Variants in PTPRA observed in about 807,000 individuals in gnomAD.
The protein encoded by PTPRA is protein tyrosine phosphatase receptor type A, also known as receptor-type tyrosine-protein phosphatase alpha.
PTPRA carries 25 observed loss-of-function variants against 104.8 expected under a neutral mutation model. The ratio of observed to expected loss-of-function variants is 0.24; its 90% CI spans 0.17 to 0.33. PTPRA has a LOEUF of 0.33. Among genes scored for constraint, PTPRA ranks in the 10% least tolerant of loss-of-function variants. PTPRA has a pLI of 1.00. For missense variants in PTPRA, 765 were observed against 1,015.3 expected, an observed-to-expected ratio of 0.75 and a Z score of 3.35; for synonymous variants, 323 against 368.9, an observed-to-expected ratio of 0.88 and a Z score of 1.43.
chr20:2,969,742 A>G (rs1482360279), intron 5 of PTPRA, among the ~76,000 whole-genome samples: 1 of 145,802 alleles, frequency 6.9e-6, no homozygotes, highest in Non-Finnish European at 1.5e-5. Context: ...TGAGGCGGGC[A>G]GATCACGAGG....
At chr20:3,012,182 C>T (rs946193242) in intron 11 of PTPRA, among the ~76,000 whole-genome samples, 1 of 152,070 alleles carries the variant, frequency 6.6e-6, no homozygotes, top group African/African-American at 2.4e-5. Flanking sequence ...TTTATCTAGG[C>T]CGTGGGGTAC....
intron 1 of PTPRA, among the ~76,000 whole-genome samples, chr20:2,922,807 GTA>G (rs982648823): frequency 6.6e-6 from 1 of 151,350 alleles, no homozygotes; most frequent in African/African-American, 2.4e-5. Flanking sequence ...GCTAATTTTT[GTA>G]TTTTTAGTAG....
intron 11 of PTPRA, 27 bp downstream of exon 11, chr20:3,007,447 C>T (rs1212908320): frequency 1.9e-6 from 3 of 1,593,410 alleles, no homozygotes; most frequent in African/African-American, 1.3e-5. Context: ...TTCCCTGTCA[C>T]TTCCCTGCCT....
intron 9 of PTPRA, among the ~76,000 whole-genome samples, chr20:2,995,844 A>G (rs1600228248): frequency 6.6e-6 from 1 of 151,986 alleles, no homozygotes; most frequent in East Asian, 1.9e-4. Flanking sequence ...AAGTAATCCT[A>G]CTCCTTGGTT....
chr20:3,021,566 C>CA (rs2064872143), intron 14 of PTPRA, 138 bp downstream of exon 14: 1 of 1,258,964 alleles, frequency 7.9e-7, no homozygotes, highest in African/African-American at 1.5e-5. Flanking sequence ...TATCCGGGCT[C>CA]AGGGGAACTT....
chr20:2,876,414 T>G (rs1456780991), intron 1 of PTPRA, among the ~76,000 whole-genome samples: 1 of 152,212 alleles, frequency 6.6e-6, no homozygotes, highest in Non-Finnish European at 1.5e-5. Context: ...TATAAATATG[T>G]GCCTGCTTAT....
intron 3 of PTPRA, among the ~76,000 whole-genome samples, chr20:2,960,173 A>G (rs1399699628): frequency 6.6e-6 from 1 of 152,132 alleles, no homozygotes; most frequent in Non-Finnish European, 1.5e-5. Context: ...ATCATACAGA[A>G]GAATTTGACT....
intron 1 of PTPRA, among the ~76,000 whole-genome samples, chr20:2,914,347 C>G (rs2059821904): frequency 6.6e-6 from 1 of 151,994 alleles, no homozygotes; most frequent in South Asian, 2.1e-4. Context: ...GTCACTGCTC[C>G]TAGACTTTCT....
At chr20:2,980,673 C>A (rs140715306) in intron 6 of PTPRA, among the ~76,000 whole-genome samples, 470 of 152,186 alleles carry the variant, frequency 3.1e-3, no homozygotes, top group Middle Eastern at 0.024. Context: ...AACAACAAGA[C>A]CCCCTCCCCC....
intron 2 of PTPRA, among the ~76,000 whole-genome samples, chr20:2,939,877 C>T (rs968465470): frequency 6.6e-6 from 1 of 152,152 alleles, no homozygotes; most frequent in Admixed American, 6.6e-5. Context: ...GAGGCCAAGG[C>T]GAGCGGATCA....
chr20:2,945,292 A>G (rs1373781106), intron 2 of PTPRA, among the ~76,000 whole-genome samples: 2 of 152,154 alleles, frequency 1.3e-5, no homozygotes, highest in Non-Finnish European at 2.9e-5. Flanking sequence ...TAGACACTGT[A>G]GTTTTAAAAT....
intron 2 of PTPRA, among the ~76,000 whole-genome samples, chr20:2,931,557 G>A (rs1445296019): frequency 6.6e-6 from 1 of 152,134 alleles, no homozygotes; most frequent in African/African-American, 2.4e-5. Flanking sequence ...AGGATATGGC[G>A]AGAAGAACAG....
chr20:2,969,755 A>G (rs1391783078), intron 5 of PTPRA, among the ~76,000 whole-genome samples: 1 of 148,420 alleles, frequency 6.7e-6, no homozygotes, highest in African/African-American at 2.5e-5. Flanking sequence ...TCACGAGGTC[A>G]GGAGATCAAG....
chr20:2,995,307 G>A (rs548407579), intron 9 of PTPRA, among the ~76,000 whole-genome samples: 27 of 152,118 alleles, frequency 1.8e-4, no homozygotes, highest in Admixed American at 1.6e-3. Context: ...CTGTAGAGAC[G>A]GGGTCTTGTT....
At chr20:2,887,503 T>A (rs886942548) in intron 1 of PTPRA, among the ~76,000 whole-genome samples, 4 of 152,160 alleles carry the variant, frequency 2.6e-5, no homozygotes, top group African/African-American at 9.7e-5. Flanking sequence ...CAAGTATGAT[T>A]TAAGCAGTAG....
intron 9 of PTPRA, among the ~76,000 whole-genome samples, chr20:2,994,508 G>A (rs1161049138): frequency 1.3e-5 from 2 of 152,142 alleles, no homozygotes; most frequent in Admixed American, 6.5e-5. Flanking sequence ...AGCATCTCAC[G>A]CTGCTGAGGA....
At position 2,918,504 on chromosome 20, in the gene PTPRA, A is replaced by G. The variant is rs368623293; in HGVS notation, c.-128-4703A>G. ...GGCTCTGTTAACAGTAGGGGATGGT[A>G]ATGTTCTTTGATTTGTGGACTCTGT... On this transcript the variant is annotated intron_variant, in intron 1 of 23. Transcript: ENST00000399903. 2.0e-5 allele frequency among the ~76,000 whole-genome samples: 3 copies of G among 152,240 alleles called. No homozygotes were observed. In the South Asian group the frequency reaches 6.2e-4, roughly 32 times the overall value.
At chr20:2,935,691 C>T (rs963433273) in intron 2 of PTPRA, among the ~76,000 whole-genome samples, 2 of 152,290 alleles carry the variant, frequency 1.3e-5, no homozygotes, top group Non-Finnish European at 2.9e-5. Flanking sequence ...ACTACAGGCA[C>T]ATGCCACTAT....
At chr20:2,942,943 A>T (rs571865523) in intron 2 of PTPRA, among the ~76,000 whole-genome samples, 215 of 152,146 alleles carry the variant, frequency 1.4e-3, no homozygotes, top group South Asian at 0.01. Context: ...ACAGTAAAAA[A>T]TTAACAATAA....
Sources: gnomAD v4.1 joint callset for allele counts (sites outside exome capture counted in the v4.1 genomes callset) on GRCh38, gnomAD v4.1.1 for gene constraint, MANE v1.5 for transcripts, NCBI Gene and HGNC (gene_info 2026-07-23, HGNC 2026-07-21) for gene names.